The following DNAH12 variants were observed in gnomAD, a reference collection of about 807,000 sequenced individuals.
DNAH12 encodes dynein axonemal heavy chain 12, also known as axonemal beta dynein heavy chain 12.
DNAH12 carries 285 observed loss-of-function variants against 371.5 expected under a neutral mutation model. The observed-to-expected ratio is 0.77, with a 90% CI of 0.70 to 0.85. DNAH12 has a LOEUF of 0.85. Ranked by LOEUF, DNAH12 falls within the 40% of genes least tolerant of loss-of-function variation. The pLI, the probability that DNAH12 is intolerant of heterozygous loss-of-function variation, is 0.00. For missense variants in DNAH12, 3,611 were observed against 3,689.4 expected (o/e 0.98, Z 0.55); for synonymous variants, 1,200 against 1,213.0 (o/e 0.99, Z 0.22).
At chr3:57,443,851 G>A (rs2065389313) in intron 29 of DNAH12, among the ~76,000 whole-genome samples, 1 of 151,998 alleles carries the variant, frequency 6.6e-6, no homozygotes, top group Admixed American at 6.6e-5. Context: ...TTACACAATA[G>A]TGTAATACAC....
Position 57,302,567 on chromosome 3 carries a change from A to ATTTTTTTT in DNAH12, c.11190-636_11190-629dup, listed in dbSNP as rs71088056. 5.7e-3 allele frequency among the ~76,000 whole-genome samples: 157 copies of ATTTTTTTT among 27,456 alleles called. 20 individuals are homozygous for ATTTTTTTT. Among genetic ancestry groups the ATTTTTTTT allele is most frequent in the East Asian group, 0.021 (3 of 142 alleles). 18.0% of individuals were successfully genotyped at this position (27,456 alleles called of 152,430 possible). A position where few individuals can be genotyped will look rare whatever the true frequency, so the allele number is the denominator to read the frequency against. On this transcript the variant is annotated intron_variant, in intron 69 of 73. Transcript: ENST00000495027. ...TATATATATATATATATATATATGTATTTTTTTTTTTTTTTTTTTTTTTTT... is the reference window on the plus strand; with the variant it reads ...TATATATATATATATATATATATGTATTTTTTTTTTTTTTTTTTTTTTTTTTTTTTTTT...
chr3:57,540,014 T>C (rs1241064380), intron 2 of DNAH12, among the ~76,000 whole-genome samples: 1 of 152,108 alleles, frequency 6.6e-6, no homozygotes, highest in Non-Finnish European at 1.5e-5. Flanking sequence ...CTCACTAGCA[T>C]ACAAACAACT....
intron 49 of DNAH12, among the ~76,000 whole-genome samples, chr3:57,384,512 T>A (rs2063461394): frequency 6.6e-6 from 1 of 151,748 alleles, no homozygotes; most frequent in Non-Finnish European, 1.5e-5. Flanking sequence ...GGCCTAGTGG[T>A]GTGTGTCTGT....
At chr3:57,315,038 T>C (rs1575438316) in intron 65 of DNAH12, among the ~76,000 whole-genome samples, 1 of 152,186 alleles carries the variant, frequency 6.6e-6, no homozygotes, top group Admixed American at 6.5e-5. Context: ...AATCCCAATA[T>C]GTCATTCATG....
rs1027838531 is a variant in DNAH12 at position 57,444,914 on chromosome 3, C to A, written c.4426-98G>T. 16 of 1,415,394 alleles carry A rather than the reference C, an allele frequency of 1.1e-5. No individual in the cohort carries two copies. In the African/African-American group the frequency reaches 1.5e-4, roughly 13 times the overall value. The allele number at this position is 1,415,394 out of a possible 1,614,324, so 87.7% of individuals were successfully genotyped here. A position where few individuals can be genotyped will look rare whatever the true frequency, so the allele number is the denominator to read the frequency against. ...AGCCCCGGCCTGCCCCACCCCACCC[C>A]CCTGGCTAAAAGTCAAAGTTTATTT... On this transcript the variant is annotated intron_variant, in intron 28 of 73. Coordinates refer to ENST00000495027, the MANE Select transcript of DNAH12 (RefSeq NM_001366028.2).
chr3:57,391,456 T>G (rs1370664600), intron 45 of DNAH12, among the ~76,000 whole-genome samples: 1 of 152,220 alleles, frequency 6.6e-6, no homozygotes, highest in Non-Finnish European at 1.5e-5. Context: ...ACCTGCCAAC[T>G]GCAGATCTTG....
intron 66 of DNAH12, among the ~76,000 whole-genome samples, chr3:57,312,789 A>G (rs1349410709): frequency 6.6e-6 from 1 of 152,228 alleles, no homozygotes; most frequent in Non-Finnish European, 1.5e-5. Context: ...TTACAATTCC[A>G]TAGGCACCAA....
At chr3:57,356,270 C>T (rs1248214606) in intron 59 of DNAH12, among the ~76,000 whole-genome samples, 1 of 151,756 alleles carries the variant, frequency 6.6e-6, no homozygotes, top group Non-Finnish European at 1.5e-5. Flanking sequence ...GGTGAAACCC[C>T]ATCTCTACAA....
chr3:57,352,515 TGTAA>T (rs1215627542), intron 59 of DNAH12, among the ~76,000 whole-genome samples: 2 of 152,136 alleles, frequency 1.3e-5, no homozygotes, highest in African/African-American at 4.8e-5. Context: ...CTTGTGAGTC[TGTAA>T]GTATTTTAAA....
intron 60 of DNAH12, among the ~76,000 whole-genome samples, chr3:57,350,896 T>A (rs2062655564): frequency 6.6e-6 from 1 of 152,196 alleles, no homozygotes. Context: ...ACTTCATTAG[T>A]CATCAGAGAA....
At chr3:57,446,718 A>C in intron 25 of DNAH12, 29 bp from the exon 26 acceptor site, 1 of 1,454,556 alleles carries the variant, frequency 6.9e-7, no homozygotes. Context: ...GTGAAAAGAA[A>C]TCCATGCTTA....
intron 13 of DNAH12, 69 bp from the exon 14 acceptor site, chr3:57,472,740 CA>C: frequency 6.9e-7 from 1 of 1,442,794 alleles, no homozygotes. Flanking sequence ...AGAGAAGAAC[CA>C]ACAACAATCT....
intron 13 of DNAH12, among the ~76,000 whole-genome samples, chr3:57,482,379 C>T (rs1383703714): frequency 1.3e-5 from 2 of 152,114 alleles, no homozygotes; most frequent in African/African-American, 2.4e-5. Flanking sequence ...GAGATACCAT[C>T]TCACACCAGT....
intron 25 of DNAH12, among the ~76,000 whole-genome samples, chr3:57,449,687 G>T (rs959524280): frequency 6.6e-6 from 1 of 152,204 alleles, no homozygotes; most frequent in African/African-American, 2.4e-5. Context: ...CAGCTGGCCC[G>T]CAAGCGCCGC....
intron 30 of DNAH12, 80 bp downstream of exon 30, chr3:57,436,871 A>C: frequency 9.6e-7 from 1 of 1,038,196 alleles, no homozygotes; most frequent in South Asian, 2.0e-5. Context: ...CAGTTTGCCA[A>C]GTCTTTGGTT....
chr3:57,452,102 G>A (rs948445635), intron 25 of DNAH12, among the ~76,000 whole-genome samples: 19 of 152,054 alleles, frequency 1.2e-4, no homozygotes, highest in African/African-American at 4.3e-4. Context: ...CCCCTCAGTT[G>A]AATTCTTTCT....
At chr3:57,295,432 G>T (rs927989311) in intron 73 of DNAH12, 93 bp downstream of exon 73, 4 of 965,160 alleles carry the variant, frequency 4.1e-6, no homozygotes, top group Non-Finnish European at 3.0e-6. Flanking sequence ...GATCCTAAAA[G>T]GTTTGAGCAA....
chr3:57,507,822 C>A lies in DNAH12; in HGVS notation c.718G>T (p.Asp240Tyr). 1 of 1,581,090 alleles carries A rather than the reference C, an allele frequency of 6.3e-7. No homozygotes were observed. The highest frequency in any genetic ancestry group is 8.5e-7 in the Non-Finnish European group (1 of 1,172,364). Residue 240 changes from aspartate (D) to tyrosine (Y), a missense_variant, in exon 8 of 74, where the codon GAC (aspartate) becomes TAC (tyrosine). Physicochemically the swap from Asp to Tyr is radical, Grantham distance 160. Transcript: ENST00000495027. ...FTGIRAKGPI[D>Y]CESLKTDLSI... ...AGATCAGTTTTCAGTGATTCACAGTCAATTGGACCTTTAGCTCTATTTATG... is the reference window on the plus strand; with the variant it reads ...AGATCAGTTTTCAGTGATTCACAGTAAATTGGACCTTTAGCTCTATTTATG...
At chr3:57,545,960 C>G (rs1052370030), upstream of DNAH12, among the ~76,000 whole-genome samples, 2 of 152,130 alleles carry the variant, frequency 1.3e-5, no homozygotes, top group African/African-American at 4.8e-5. Flanking sequence ...CCAGTGGGCA[C>G]TCTACTTTCC....
Sources: gnomAD v4.1 joint callset for allele counts (sites outside exome capture counted in the v4.1 genomes callset) on GRCh38, gnomAD v4.1.1 for gene constraint, MANE v1.5 for transcripts, NCBI Gene and HGNC (gene_info 2026-07-23, HGNC 2026-07-21) for gene names.